SH3KBP1: variants seen among roughly 807,000 people sequenced by gnomAD.
SH3KBP1 encodes SH3 domain-containing kinase-binding protein 1.
A neutral mutation model predicts 50.1 loss-of-function variants in SH3KBP1; 8 were observed. That is an observed-to-expected ratio of 0.16 (90% CI 0.09 to 0.29). The LOEUF is 0.29. Ranked by LOEUF, SH3KBP1 falls within the 10% of genes least tolerant of loss-of-function variation. The pLI is 1.00. For missense variants in SH3KBP1, 377 were observed against 535.2 expected (o/e 0.70, Z 2.92); for synonymous variants, 227 against 218.6 (o/e 1.04, Z -0.34).
Position 19,589,816 on chromosome X carries a change from T to TA in SH3KBP1, c.1139-1015dup, listed in dbSNP as rs751187520. On this transcript the variant is annotated intron_variant, in intron 11 of 17. Coordinates refer to ENST00000397821, the MANE Select transcript of SH3KBP1 (RefSeq NM_031892.3). ...GGTGCCCAGATGGTTGGCAAAAGGT[T>TA]AAAAAAAAAAAAACCCATCAGGGCT... 1.1e-3 allele frequency among the ~76,000 whole-genome samples: 108 copies of TA among 98,928 alleles called. No individual in the cohort carries two copies. In the Middle Eastern group the frequency reaches 0.015, roughly 14 times the overall value. The allele number at this position is 98,928 out of a possible 115,157, so 85.9% of individuals were successfully genotyped here.
At chrX:19,863,752 A>G (rs1358396889) in intron 1 of SH3KBP1, among the ~76,000 whole-genome samples, 1 of 111,035 alleles carries the variant, frequency 9.0e-6, no homozygotes. Flanking sequence ...GCCACAATGA[A>G]CCCCTGAGGC....
chrX:19,726,450 G>A (rs895177118), intron 3 of SH3KBP1, among the ~76,000 whole-genome samples: 2 of 111,426 alleles, frequency 1.8e-5, no homozygotes, highest in African/African-American at 6.5e-5. Context: ...GGTAACTAGG[G>A]CGTACTGATT....
At chrX:19,564,685 T>C (rs779594374) in intron 13 of SH3KBP1, among the ~76,000 whole-genome samples, 61 of 111,790 alleles carry the variant, frequency 5.5e-4, no homozygotes, top group Non-Finnish European at 8.3e-4. Flanking sequence ...CTAGGTTTTA[T>C]AGAGATTCTC....
chrX:19,757,935 C>T (rs1012253466), intron 2 of SH3KBP1, among the ~76,000 whole-genome samples: 1 of 111,236 alleles, frequency 9.0e-6, no homozygotes, highest in Non-Finnish European at 1.9e-5. Flanking sequence ...CCAGTCCATA[C>T]GTTTCATTAA....
intron 2 of SH3KBP1, chrX:19,799,548 C>A (rs1208336127): frequency 2.1e-6 from 2 of 957,626 alleles, no homozygotes; most frequent in Non-Finnish European, 3.0e-6. Flanking sequence ...CATCATGCCT[C>A]CCTCCTGGCC....
intron 2 of SH3KBP1, chrX:19,747,722 C>T (rs2064958006): frequency 3.0e-6 from 1 of 338,906 alleles, no homozygotes; most frequent in African/African-American, 2.6e-5. Context: ...CTCTTCCTCC[C>T]TCACCAGGGC....
chrX:19,570,478 G>T (rs1723603885), intron 12 of SH3KBP1, among the ~76,000 whole-genome samples: 1 of 111,883 alleles, frequency 8.9e-6, no homozygotes, highest in African/African-American at 3.2e-5. Flanking sequence ...GGCTGGCAAG[G>T]TTGGTGAACA....
At chrX:19,615,588 C>T (rs905659826) in intron 8 of SH3KBP1, among the ~76,000 whole-genome samples, 3 of 111,911 alleles carry the variant, frequency 2.7e-5, no homozygotes, top group Non-Finnish European at 5.6e-5. Context: ...CCATGGAAGC[C>T]GGGGCCCAGA....
In SH3KBP1 at chrX:19,714,805, T is replaced by A. The variant is rs761633794; in HGVS notation, c.287-7821A>T. Among the ~76,000 whole-genome samples the A allele has an allele frequency of 8.9e-5, 10 of 112,344 alleles. No homozygotes were observed. In the East Asian group the frequency reaches 2.5e-3, roughly 28 times the overall value. On this transcript the variant is annotated intron_variant, in intron 3 of 17. Transcript: ENST00000397821. ...AAGGCTATAAAAACATTGAGAAAAC[T>A]GGGGAAATTTGAATATGAACTAATT... is the stretch of plus-strand genomic sequence containing the variant.
Position 19,700,204 on chromosome X carries a change from C to T in SH3KBP1, c.391-4463G>A, listed in dbSNP as rs918904224. Among the ~76,000 whole-genome samples, 11 of 111,349 alleles carry T rather than the reference C, an allele frequency of 9.9e-5. No individual in the cohort carries two copies. The East Asian group carries it at 3.1e-3, about 31-fold the overall frequency. On this transcript the variant is annotated intron_variant, in intron 4 of 17. Coordinates refer to ENST00000397821, the MANE Select transcript of SH3KBP1 (RefSeq NM_031892.3). ...ACACATCAAAGTCTAAGGAAAGGCC[C>T]ACACCTTAAAGCTGCTAAAATTTTC...
In SH3KBP1 at chrX:19,535,759, G is replaced by A. The variant is rs2064691472; in HGVS notation, c.*658C>T. On this transcript the variant is annotated 3_prime_UTR_variant, in exon 18 of 18. Coordinates refer to ENST00000397821, the MANE Select transcript of SH3KBP1 (RefSeq NM_031892.3). ...TGCATCACAAAAGCTCCAATCAAGA[G>A]GGTGGTAAAAAGAAGGCACAGATCA... 9.0e-6 allele frequency: 1 copy of A among 111,273 alleles called. No homozygotes were observed. Among genetic ancestry groups the A allele is most frequent in the South Asian group, 3.8e-4 (1 of 2,662 alleles). The allele number at this position is 111,273 out of a possible 1,213,427, so 9.2% of individuals were successfully genotyped here. A position where few individuals can be genotyped will look rare whatever the true frequency, so the allele number is the denominator to read the frequency against.
At chrX:19,709,555 A>T (rs1242883290) in intron 3 of SH3KBP1, among the ~76,000 whole-genome samples, 1 of 112,303 alleles carries the variant, frequency 8.9e-6, no homozygotes, top group East Asian at 2.8e-4. Flanking sequence ...CTAGTGCTGG[A>T]TAAACTAATT....
chrX:19,621,706 T>C (rs954801268), intron 8 of SH3KBP1, among the ~76,000 whole-genome samples: 8 of 112,407 alleles, frequency 7.1e-5, no homozygotes, highest in African/African-American at 2.6e-4. Flanking sequence ...CACCCATTCA[T>C]TTACCTCTAT....
chrX:19,858,502 C>A (rs1372233793), intron 1 of SH3KBP1, among the ~76,000 whole-genome samples: 1 of 111,506 alleles, frequency 9.0e-6, no homozygotes, highest in East Asian at 2.8e-4. Context: ...GTGGTACACA[C>A]CTGTAGTCCC....
intron 6 of SH3KBP1, among the ~76,000 whole-genome samples, chrX:19,666,797 C>A (rs2062610971): frequency 9.0e-6 from 1 of 111,318 alleles, no homozygotes; most frequent in African/African-American, 3.3e-5. Flanking sequence ...GCAGTTCCCC[C>A]AAAAATTTAA....
chrX:19,697,204 T>A (rs1462983070), intron 4 of SH3KBP1, among the ~76,000 whole-genome samples: 4 of 112,292 alleles, frequency 3.6e-5, no homozygotes, highest in Non-Finnish European at 7.5e-5. Context: ...TTATGATGGG[T>A]TTATTGGGAC....
At chrX:19,804,814 G>A (rs1244062726) in intron 2 of SH3KBP1, among the ~76,000 whole-genome samples, 7 of 105,591 alleles carry the variant, frequency 6.6e-5, no homozygotes, top group Non-Finnish European at 1.2e-4. Flanking sequence ...AAGGAGGATC[G>A]ACTGGGAGCT....
intron 14 of SH3KBP1, among the ~76,000 whole-genome samples, chrX:19,546,579 G>A (rs1215840371): frequency 8.9e-6 from 1 of 112,090 alleles, no homozygotes; most frequent in Non-Finnish European, 1.9e-5. Flanking sequence ...GGATGTGTCT[G>A]AGAGAAAACC....
chrX:19,642,526 T>C (rs1468485168), intron 7 of SH3KBP1, among the ~76,000 whole-genome samples: 1 of 111,895 alleles, frequency 8.9e-6, no homozygotes, highest in Non-Finnish European at 1.9e-5. Flanking sequence ...CAAGGATTTT[T>C]CCCCCCAACC....
Sources: gnomAD v4.1 joint callset for allele counts (sites outside exome capture counted in the v4.1 genomes callset) on GRCh38, gnomAD v4.1.1 for gene constraint, MANE v1.5 for transcripts, NCBI Gene and HGNC (gene_info 2026-07-23, HGNC 2026-07-21) for gene names.